BMPR1B: variants seen among roughly 807,000 people sequenced by gnomAD.
BMPR1B encodes bone morphogenetic protein receptor type-1B.
BMPR1B carries 12 observed loss-of-function variants against 59.1 expected under a neutral mutation model. That is an observed-to-expected ratio of 0.20 (90% CI 0.13 to 0.33). The LOEUF (loss-of-function observed/expected upper bound fraction) is 0.33, where lower values mean the gene tolerates loss of function less well. BMPR1B is among the 10% of genes least tolerant of loss of function. The pLI is 1.00. For synonymous variants in BMPR1B, 237 were observed against 207.3 expected (o/e 1.14, Z -1.23); for missense variants, 550 against 610.9 (o/e 0.90, Z 1.05).
chr4:94,902,600 TTC>T (rs1560539371), intron 2 of BMPR1B, among the ~76,000 whole-genome samples: 1 of 145,432 alleles, frequency 6.9e-6, no homozygotes, highest in Non-Finnish European at 1.5e-5. Flanking sequence ...TTCTGAATTT[TTC>T]TGTTTTTTTC....
intron 1 of BMPR1B, among the ~76,000 whole-genome samples, chr4:94,840,454 C>T (rs1329426517): frequency 1.4e-5 from 2 of 147,344 alleles, no homozygotes; most frequent in Non-Finnish European, 1.5e-5. Flanking sequence ...GGAGGCTTTG[C>T]TCATTTCTTT....
At chr4:94,871,729 T>TC (rs1235397763) in intron 1 of BMPR1B, among the ~76,000 whole-genome samples, 5 of 152,196 alleles carry the variant, frequency 3.3e-5, no homozygotes, top group Non-Finnish European at 7.3e-5. Flanking sequence ...GTTTGATTGC[T>TC]CCAGTAAGGA....
intron 3 of BMPR1B, among the ~76,000 whole-genome samples, chr4:95,049,191 G>A (rs529764810): frequency 6.6e-6 from 1 of 152,120 alleles, no homozygotes; most frequent in African/African-American, 2.4e-5. Flanking sequence ...ATAGCTCACT[G>A]CAGGCTGGAA....
intron 3 of BMPR1B, among the ~76,000 whole-genome samples, chr4:95,101,185 G>T (rs1035019730): frequency 5.9e-5 from 9 of 152,272 alleles, no homozygotes; most frequent in African/African-American, 2.2e-4. Flanking sequence ...GTACCAGGCT[G>T]CATTGAGTTC....
intron 3 of BMPR1B, among the ~76,000 whole-genome samples, chr4:95,033,553 T>C (rs1725031873): frequency 6.6e-6 from 1 of 152,162 alleles, no homozygotes; most frequent in African/African-American, 2.4e-5. Context: ...AGACTCTCTT[T>C]TCCCTTTTGA....
intron 2 of BMPR1B, among the ~76,000 whole-genome samples, chr4:94,892,922 A>G (rs1727454987): frequency 6.6e-6 from 1 of 152,170 alleles, no homozygotes; most frequent in Non-Finnish European, 1.5e-5. Context: ...AGTTTGAGTA[A>G]TTTTATATTC....
intron 1 of BMPR1B, among the ~76,000 whole-genome samples, chr4:94,788,315 G>A (rs1052578400): frequency 6.6e-6 from 1 of 152,288 alleles, no homozygotes; most frequent in Non-Finnish European, 1.5e-5. Flanking sequence ...ACACCAGGAG[G>A]AGTTAAGGTT....
Position 95,014,757 on chromosome 4 carries a change from A to G in BMPR1B, c.-18+18623A>G, listed in dbSNP as rs553073021. Among the ~76,000 whole-genome samples the G allele has an allele frequency of 2.3e-4, 35 of 152,298 alleles. 1 individual carries two copies. The highest frequency in any genetic ancestry group is 5.8e-4 in the African/African-American group (24 of 41,576). ...GTGATTAGATTTGTAGATTTTTACT[A>G]TGAGGGTTAATTTACTACCAAGGTC... On this transcript the variant is annotated intron_variant, in intron 3 of 12. Coordinates refer to ENST00000515059, the MANE Select transcript of BMPR1B (RefSeq NM_001203.3).
intron 2 of BMPR1B, among the ~76,000 whole-genome samples, chr4:94,984,092 G>A (rs1292786786): frequency 6.6e-6 from 1 of 152,220 alleles, no homozygotes; most frequent in African/African-American, 2.4e-5. Context: ...GCCAATTGGA[G>A]GGGGAGGGCA....
At chr4:94,827,659 T>C (rs1471700624) in intron 1 of BMPR1B, among the ~76,000 whole-genome samples, 2 of 152,222 alleles carry the variant, frequency 1.3e-5, no homozygotes, top group Non-Finnish European at 2.9e-5. Flanking sequence ...TCATTCTTGC[T>C]GTTTTTGTGG....
intron 3 of BMPR1B, among the ~76,000 whole-genome samples, chr4:94,999,081 T>C (rs1722266962): frequency 6.6e-6 from 1 of 152,198 alleles, no homozygotes; most frequent in South Asian, 2.1e-4. Flanking sequence ...TGACTTGGCC[T>C]CCTGTATAAA....
chr4:94,877,230 A>G (rs1228292903), intron 2 of BMPR1B, among the ~76,000 whole-genome samples: 1 of 152,132 alleles, frequency 6.6e-6, no homozygotes, highest in Non-Finnish European at 1.5e-5. Flanking sequence ...ATTGGTCTTG[A>G]TTTGGGTTGC....
At chr4:94,956,701 A>C (rs1730153222) in intron 2 of BMPR1B, among the ~76,000 whole-genome samples, 1 of 152,216 alleles carries the variant, frequency 6.6e-6, no homozygotes, top group African/African-American at 2.4e-5. Context: ...CATACTTTAT[A>C]ATATGAATTA....
intron 3 of BMPR1B, among the ~76,000 whole-genome samples, chr4:95,039,592 T>C (rs1300546027): frequency 6.6e-6 from 1 of 152,204 alleles, no homozygotes; most frequent in Non-Finnish European, 1.5e-5. Flanking sequence ...AGGTGTGCCA[T>C]GTTTCTAAGA....
At chr4:95,047,139 C>T (rs545946683) in intron 3 of BMPR1B, among the ~76,000 whole-genome samples, 43 of 152,274 alleles carry the variant, frequency 2.8e-4, no homozygotes, top group African/African-American at 1.0e-3. Flanking sequence ...GTTTCCCCTG[C>T]TATTAACATT....
chr4:94,795,462 T>C (rs1723151087), intron 1 of BMPR1B, among the ~76,000 whole-genome samples: 1 of 151,694 alleles, frequency 6.6e-6, no homozygotes, highest in South Asian at 2.1e-4. Flanking sequence ...CTAGTTTGGC[T>C]CTGGATTATT....
chr4:94,977,185 G>A (rs140940896), intron 2 of BMPR1B, among the ~76,000 whole-genome samples: 8 of 152,268 alleles, frequency 5.3e-5, no homozygotes, highest in African/African-American at 1.7e-4. Flanking sequence ...GCTGTGATGG[G>A]ATAACACCCT....
intron 1 of BMPR1B, among the ~76,000 whole-genome samples, chr4:94,840,668 A>T (rs2148934197): frequency 6.9e-6 from 1 of 145,586 alleles, no homozygotes; most frequent in East Asian, 1.9e-4. Flanking sequence ...ATTCTTCTAA[A>T]TTTTTTTCAA....
At chr4:95,123,151 A>C (rs1732647212) in intron 6 of BMPR1B, among the ~76,000 whole-genome samples, 1 of 152,316 alleles carries the variant, frequency 6.6e-6, no homozygotes, top group Non-Finnish European at 1.5e-5. Context: ...AGTTAAAATG[A>C]GTAGTGTTTA....
Sources: gnomAD v4.1 joint callset for allele counts (sites outside exome capture counted in the v4.1 genomes callset) on GRCh38, gnomAD v4.1.1 for gene constraint, MANE v1.5 for transcripts, NCBI Gene and HGNC (gene_info 2026-07-23, HGNC 2026-07-21) for gene names.